CBLB: variants seen among roughly 807,000 people sequenced by gnomAD.
CBLB encodes Cbl proto-oncogene B.
A neutral mutation model predicts 104.9 loss-of-function variants in CBLB; 31 were observed. The ratio of observed to expected loss-of-function variants is 0.30; its 90% CI spans 0.22 to 0.40. The LOEUF (loss-of-function observed/expected upper bound fraction) is 0.40. CBLB is among the 10% of genes least tolerant of loss of function. CBLB has a pLI of 1.00. For synonymous variants in CBLB, 440 were observed against 422.6 expected (o/e 1.04, Z -0.51); for missense variants, 1,062 against 1,214.6 (o/e 0.87, Z 1.87).
intron 3 of CBLB, among the ~76,000 whole-genome samples, chr3:105,788,383 T>C (rs1040288683): frequency 1.3e-5 from 2 of 152,224 alleles, no homozygotes; most frequent in Admixed American, 6.5e-5. Context: ...GTCCAATCTT[T>C]TGGTTTCCTT....
At chr3:105,691,287 G>C (rs150112335) in intron 13 of CBLB, among the ~76,000 whole-genome samples, 1 of 152,318 alleles carries the variant, frequency 6.6e-6, no homozygotes, top group Admixed American at 6.5e-5. Context: ...TTGCTGGCAA[G>C]CATGCACTGT....
At position 105,783,499 on chromosome 3, in the gene CBLB, AT is replaced by A. The variant is rs58459262; in HGVS notation, c.420-6958del. On this transcript the variant is annotated intron_variant, in intron 3 of 18. Transcript: ENST00000394030. ...TTGTACAATTCAGAAACAGCAAACA[AT>A]GGGCAAGTATTTGATACAGTCATTT... is the stretch of plus-strand genomic sequence containing the variant. 6.1e-3 allele frequency among the ~76,000 whole-genome samples: 935 copies of A among 152,280 alleles called. 30 individuals are homozygous for A. Among genetic ancestry groups the A allele is most frequent in the East Asian group, 0.052 (271 of 5,180 alleles).
intron 3 of CBLB, among the ~76,000 whole-genome samples, chr3:105,811,627 T>C (rs2084309997): frequency 6.6e-6 from 1 of 152,180 alleles, no homozygotes; most frequent in South Asian, 2.1e-4. Context: ...AATAAAAAGC[T>C]TTAAAAGAGA....
chr3:105,736,688 T>C (rs2074989215), intron 8 of CBLB, among the ~76,000 whole-genome samples: 1 of 152,120 alleles, frequency 6.6e-6, no homozygotes, highest in African/African-American at 2.4e-5. Flanking sequence ...TGAAAAGATA[T>C]TTTCACTTAG....
At chr3:105,776,114 T>C (rs893175603) in intron 4 of CBLB, among the ~76,000 whole-genome samples, 3 of 152,220 alleles carry the variant, frequency 2.0e-5, no homozygotes, top group African/African-American at 7.2e-5. Flanking sequence ...GCTTCTCATG[T>C]ATAAAGACTC....
At chr3:105,683,921 G>C (rs1268000426) in intron 14 of CBLB, among the ~76,000 whole-genome samples, 1 of 152,200 alleles carries the variant, frequency 6.6e-6, no homozygotes, top group African/African-American at 2.4e-5. Flanking sequence ...TCTAACCAGG[G>C]TCACTTATTA....
At chr3:105,847,956 C>A (rs946106592) in intron 3 of CBLB, among the ~76,000 whole-genome samples, 1 of 152,024 alleles carries the variant, frequency 6.6e-6, no homozygotes, top group Non-Finnish European at 1.5e-5. Flanking sequence ...CTTAGAGTTT[C>A]TCCTTTTCTC....
At chr3:105,769,366 C>T (rs1169117836) in intron 4 of CBLB, among the ~76,000 whole-genome samples, 2 of 152,038 alleles carry the variant, frequency 1.3e-5, no homozygotes, top group Non-Finnish European at 2.9e-5. Flanking sequence ...ACGTGTCAGG[C>T]TCAAAAACAC....
At chr3:105,799,066 T>A (rs765303686) in intron 3 of CBLB, among the ~76,000 whole-genome samples, 1 of 150,576 alleles carries the variant, frequency 6.6e-6, no homozygotes, top group African/African-American at 2.4e-5. Context: ...TAACAAAGTA[T>A]CTAGATGGAA....
intron 3 of CBLB, among the ~76,000 whole-genome samples, chr3:105,844,423 T>C (rs765023803): frequency 6.6e-6 from 1 of 152,224 alleles, no homozygotes; most frequent in African/African-American, 2.4e-5. Flanking sequence ...TACATTTCAA[T>C]AGAACATCTA....
At chr3:105,780,242 G>A (rs1279865735) in intron 3 of CBLB, among the ~76,000 whole-genome samples, 1 of 151,808 alleles carries the variant, frequency 6.6e-6, no homozygotes, top group African/African-American at 2.4e-5. Context: ...GACATAGGGA[G>A]AAGAAAAGAA....
At chr3:105,776,077 TAC>T (rs2079422000) in intron 4 of CBLB, among the ~76,000 whole-genome samples, 1 of 148,408 alleles carries the variant, frequency 6.7e-6, no homozygotes, top group African/African-American at 2.6e-5. Flanking sequence ...GTATATTAAG[TAC>T]ATATTAAATT....
At chr3:105,662,198 TC>T (rs777796152) in intron 18 of CBLB, among the ~76,000 whole-genome samples, 67 of 152,302 alleles carry the variant, frequency 4.4e-4, no homozygotes, top group Non-Finnish European at 9.1e-4. Flanking sequence ...GACGCAGCCT[TC>T]ACTTTCTCCA....
At chr3:105,778,592 A>T (rs1269007976) in intron 3 of CBLB, among the ~76,000 whole-genome samples, 1 of 152,172 alleles carries the variant, frequency 6.6e-6, no homozygotes, top group Non-Finnish European at 1.5e-5. Flanking sequence ...TCCATAACTT[A>T]TCTACGGAAA....
At chr3:105,800,680 C>G (rs1398919798) in intron 3 of CBLB, among the ~76,000 whole-genome samples, 1 of 147,362 alleles carries the variant, frequency 6.8e-6, no homozygotes, top group African/African-American at 2.4e-5. Context: ...TATACACAAA[C>G]CCCCCCACCC....
At chr3:105,743,482 A>AT (rs2075811517) in intron 6 of CBLB, among the ~76,000 whole-genome samples, 2 of 151,122 alleles carry the variant, frequency 1.3e-5, no homozygotes, top group South Asian at 2.1e-4. Context: ...AAATTAAAAA[A>AT]AAATATATAT....
In CBLB at chr3:105,689,208, G is replaced by A. The variant is rs1439364600; in HGVS notation, c.2055-3742C>T. On this transcript the variant is annotated intron_variant, in intron 13 of 18. Transcript: ENST00000394030. ...CAAAGAGGATAAAGGATTTTATCTT[G>A]TACAAACTGAACCTCTAGTAAGTAA... Among the ~76,000 whole-genome samples, 5 of 151,850 alleles carry A rather than the reference G, an allele frequency of 3.3e-5. 1 individual carries two copies. Among genetic ancestry groups the A allele is most frequent in the Admixed American group, 3.3e-4 (5 of 15,242 alleles).
At chr3:105,788,748 C>T (rs2081307057) in intron 3 of CBLB, among the ~76,000 whole-genome samples, 1 of 152,184 alleles carries the variant, frequency 6.6e-6, no homozygotes, top group African/African-American at 2.4e-5. Flanking sequence ...ACAGGGGAGT[C>T]TATTTCCCTC....
Position 105,867,271 on chromosome 3 carries a change from T to G in CBLB, c.168+139A>C, listed in dbSNP as rs1325352825. ...ATCCAACTTTTCAAAAAACACAGAG[T>G]TGAAGAAAAATGATGAATTGAAATC... On this transcript the variant is annotated intron_variant, in intron 2 of 18. Transcript: ENST00000394030. 3 of 926,710 alleles carry G rather than the reference T, an allele frequency of 3.2e-6. No individual in the cohort carries two copies. In the East Asian group the frequency reaches 7.3e-5, roughly 23 times the overall value. The allele number at this position is 926,710 out of a possible 1,614,324, so 57.4% of individuals were successfully genotyped here. A position where few individuals can be genotyped will look rare whatever the true frequency, so the allele number is the denominator to read the frequency against.
Sources: allele counts gnomAD v4.1 joint callset (sites outside exome capture counted in the v4.1 genomes callset), GRCh38; gene constraint gnomAD v4.1.1; transcripts MANE v1.5; gene names NCBI Gene and HGNC (gene_info 2026-07-23, HGNC 2026-07-21).